Variants in CLDN12 observed in about 807,000 individuals in gnomAD.
CLDN12 encodes the protein claudin-12.
Under a neutral mutation model 15.5 loss-of-function variants are expected in CLDN12, and 9 were observed. The observed-to-expected ratio is 0.58, with a 90% CI of 0.35 to 1.02. The LOEUF is 1.02. Among genes scored for constraint, CLDN12 ranks in the 50% least tolerant of loss-of-function variants. The probability of loss-of-function intolerance (pLI) is 0.02; values close to 1 mark genes in which losing one functional copy is unlikely to be tolerated. For synonymous variants in CLDN12, 140 were observed against 121.6 expected (o/e 1.15, Z -1.00); for missense variants, 233 against 297.3 (o/e 0.78, Z 1.59).
intron 2 of CLDN12, among the ~76,000 whole-genome samples, chr7:90,410,710 G>T (rs962253814): frequency 1.3e-5 from 2 of 152,056 alleles, no homozygotes; most frequent in African/African-American, 2.4e-5. Flanking sequence ...GAATTGTGGG[G>T]GTGGAAGGAG....
chr7:90,413,759 AT>A lies in CLDN12; in HGVS notation c.*351del, dbSNP rs1797020107. 1 of 1,028,582 alleles carries A rather than the reference AT, an allele frequency of 9.7e-7. No individual in the cohort carries two copies. The highest frequency in any genetic ancestry group is 1.7e-5 in the African/African-American group (1 of 58,298). 63.7% of individuals were successfully genotyped at this position (1,028,582 alleles called of 1,614,324 possible). On this transcript the variant is annotated 3_prime_UTR_variant, in exon 4 of 4. Coordinates refer to ENST00000496677, the MANE Select transcript of CLDN12 (RefSeq NM_001185072.3). ...GCTGTTGTATACAATCTTCATGAAAATTTCAGTGTGTATTTTTCTTTTTCTA... is the reference window on the plus strand; with the variant it reads ...GCTGTTGTATACAATCTTCATGAAAATTCAGTGTGTATTTTTCTTTTTCTA...
chr7:90,409,770 G>A (rs1796920275), intron 2 of CLDN12, among the ~76,000 whole-genome samples: 1 of 152,094 alleles, frequency 6.6e-6, no homozygotes, highest in Non-Finnish European at 1.5e-5. Context: ...TAATTATACA[G>A]TTGATTCACC....
rs192723226 is a variant in CLDN12 at position 90,410,765 on chromosome 7, C to T, written c.-76-1242C>T. Among the ~76,000 whole-genome samples the T allele has an allele frequency of 5.3e-3, 807 of 151,860 alleles. 6 individuals are homozygous for T. The highest frequency in any genetic ancestry group is 0.017 in the African/African-American group (703 of 41,430). ...TAATCTCAGTACTTTGGGAGGCTGACGCTGGTGGATTGCTTGAGCCCAGGA... is the reference window on the plus strand; with the variant it reads ...TAATCTCAGTACTTTGGGAGGCTGATGCTGGTGGATTGCTTGAGCCCAGGA... On this transcript the variant is annotated intron_variant, in intron 2 of 3. Transcript: ENST00000496677.
intron 2 of CLDN12, chr7:90,406,188 G>A (rs1796832852): frequency 6.6e-6 from 1 of 152,160 alleles, no homozygotes; most frequent in African/African-American, 2.4e-5. Flanking sequence ...GGAAAAAATA[G>A]TACAGGGTCT....
At chr7:90,403,984 C>A (rs755922495) in intron 1 of CLDN12, among the ~76,000 whole-genome samples, 4 of 144,052 alleles carry the variant, frequency 2.8e-5, no homozygotes, top group Non-Finnish European at 6.0e-5. Flanking sequence ...AGGTCTGGGT[C>A]TACCACACAC....
At chr7:90,406,234 G>T (rs955145765) in intron 2 of CLDN12, among the ~76,000 whole-genome samples, 3 of 152,200 alleles carry the variant, frequency 2.0e-5, no homozygotes, top group Non-Finnish European at 4.4e-5. Context: ...CTTAGCCACT[G>T]TTCCTGCTCC....
At chr7:90,408,656 A>G (rs1366797031) in intron 2 of CLDN12, among the ~76,000 whole-genome samples, 1 of 152,222 alleles carries the variant, frequency 6.6e-6, no homozygotes, top group Admixed American at 6.5e-5. Context: ...TTAAGAATTA[A>G]GGTTAATAGT....
In CLDN12 at chr7:90,413,024, G is replaced by T; in HGVS notation, c.348G>T (p.Ser116=). The change falls in exon 4 of 4, where the codon TCG becomes TCT. Residue 116 remains serine, a synonymous_variant. Coordinates refer to ENST00000496677, the MANE Select transcript of CLDN12 (RefSeq NM_001185072.3). Reference sequence around the variant, plus strand: ...TGTGCAACACTGCCTTCAGGTCCTCGGTGCCCAACATCAAACTGGCCAAGT... The same window carrying T: ...TGTGCAACACTGCCTTCAGGTCCTCTGTGCCCAACATCAAACTGGCCAAGT... ...IGMCNTAFRS[S]VPNIKLAKCL... is the part of the protein sequence containing the mutation. 6.2e-7 allele frequency: 1 copy of T among 1,614,068 alleles called. No individual in the cohort carries two copies. Among genetic ancestry groups the T allele is most frequent in the African/African-American group, 1.3e-5 (1 of 74,992 alleles).
intron 1 of CLDN12, among the ~76,000 whole-genome samples, chr7:90,404,071 T>C (rs1034320451): frequency 2.0e-5 from 3 of 151,848 alleles, no homozygotes; most frequent in African/African-American, 7.3e-5. Context: ...CGGATTGCTC[T>C]GGAAGCTTGG....
chr7:90,408,327 A>T (rs1444560218), intron 2 of CLDN12, among the ~76,000 whole-genome samples: 1 of 152,096 alleles, frequency 6.6e-6, no homozygotes, highest in Non-Finnish European at 1.5e-5. Flanking sequence ...ACACAGCAAG[A>T]CCCCATCTCT....
rs1284739711 is a variant in CLDN12 at position 90,413,154 on chromosome 7, C to G, written c.478C>G (p.His160Asp). ...TATCTGGGTCATCTTTTATAACATCCATCTGAACAAGAAGTTTGAGCCAGT... is the reference window on the plus strand; with the variant it reads ...TATCTGGGTCATCTTTTATAACATCGATCTGAACAAGAAGTTTGAGCCAGT... ...PSIWVIFYNI[H>D]LNKKFEPVFS... Residue 160 changes from histidine (H) to aspartate (D), a missense_variant, in exon 4 of 4, where the codon CAT becomes GAT. Physicochemically the swap from His to Asp is moderately conservative, Grantham distance 81. Transcript: ENST00000496677. The G allele has an allele frequency of 1.2e-6, 2 of 1,614,080 alleles. No homozygotes were observed. The highest frequency in any genetic ancestry group is 2.7e-5 in the African/African-American group (2 of 74,912).
chr7:90,413,395 T>C lies in CLDN12; in HGVS notation c.719T>C (p.Val240Ala). ...GCCATTGAAATTGACATTCCAGTAG[T>C]TTCACACACCACTTAATGGGGAAAT... ...LSAIEIDIPV[V>A]SHTT The change falls in exon 4 of 4, where the codon GTT becomes GCT. Residue 240 changes from valine (V) to alanine (A), a missense_variant. Val to Ala is a moderately conservative substitution (Grantham distance 64). Transcript: ENST00000496677. 2.5e-6 allele frequency: 4 copies of C among 1,613,428 alleles called. No homozygotes were observed. The highest frequency in any genetic ancestry group is 3.4e-6 in the Non-Finnish European group (4 of 1,179,470).
chr7:90,412,188 G>A (rs539571059), intron 3 of CLDN12, 139 bp downstream of exon 3: 1 of 160,680 alleles, frequency 6.2e-6, no homozygotes, highest in South Asian at 1.9e-4. Context: ...CACCCCTGCT[G>A]CATGAGCATT....
intron 2 of CLDN12, among the ~76,000 whole-genome samples, chr7:90,410,677 A>G (rs1442154171): frequency 6.6e-6 from 1 of 152,160 alleles, no homozygotes; most frequent in African/African-American, 2.4e-5. Context: ...TCTCTAAAAG[A>G]AAGAAAAGAA....
chr7:90,408,131 G>A (rs1477025945), intron 2 of CLDN12, among the ~76,000 whole-genome samples: 1 of 152,202 alleles, frequency 6.6e-6, no homozygotes, highest in East Asian at 1.9e-4. Flanking sequence ...ACCCTTGCAA[G>A]TATGAACAAA....
chr7:90,406,378 G>C (rs1474524476), intron 2 of CLDN12, among the ~76,000 whole-genome samples: 4 of 152,130 alleles, frequency 2.6e-5, no homozygotes, highest in Non-Finnish European at 5.9e-5. Flanking sequence ...GTGGAACAGA[G>C]AGTCAAATGA....
chr7:90,412,447 T>A, intron 3 of CLDN12, 197 bp from the exon 4 acceptor site: 1 of 488,356 alleles, frequency 2.0e-6, no homozygotes. Context: ...TAACCAAATG[T>A]GTGTGCACCT....
At position 90,413,618 on chromosome 7, in the gene CLDN12, A is replaced by C; in HGVS notation, c.*207A>C. The C allele has an allele frequency of 7.5e-7, 1 of 1,337,128 alleles. No individual in the cohort carries two copies. The highest frequency in any genetic ancestry group is 9.6e-7 in the Non-Finnish European group (1 of 1,041,732). The allele number at this position is 1,337,128 out of a possible 1,614,324, so 82.8% of individuals were successfully genotyped here. A position where few individuals can be genotyped will look rare whatever the true frequency, so the allele number is the denominator to read the frequency against. ...GAATTTTTTAAATTTTGCTTCTTAT[A>C]CTGGAAGGAATTTTAGCCTTCATAT... On this transcript the variant is annotated 3_prime_UTR_variant, in exon 4 of 4. Transcript: ENST00000496677.
Position 90,412,775 on chromosome 7 carries a change from G to C in CLDN12, c.99G>C (p.Trp33Cys). The part of the protein sequence containing the change: ...GLFAGTLLPN[W>C]RKLRLITFNR... ...TTGCAGGGACTCTGCTTCCCAACTG[G>C]AGAAAATTACGATTGATCACATTCA... Residue 33 changes from tryptophan to cysteine, a missense_variant, in exon 4 of 4, where the codon TGG becomes TGC. Transcript: ENST00000496677. 1 of 1,614,172 alleles carries C rather than the reference G, an allele frequency of 6.2e-7. No homozygotes were observed.
Sources: allele counts gnomAD v4.1 joint callset (sites outside exome capture counted in the v4.1 genomes callset), GRCh38; gene constraint gnomAD v4.1.1; transcripts MANE v1.5; gene names NCBI Gene and HGNC (gene_info 2026-07-23, HGNC 2026-07-21).